Variants in MINDY2 observed in about 807,000 individuals in gnomAD.
The protein encoded by MINDY2 is ubiquitin carboxyl-terminal hydrolase MINDY-2.
MINDY2 carries 52 observed loss-of-function variants against 68.2 expected under a neutral mutation model. The observed-to-expected ratio is 0.76, with a 90% confidence interval of 0.61 to 0.96. The LOEUF (loss-of-function observed/expected upper bound fraction) is 0.96, where lower values mean the gene tolerates loss of function less well. Ranked by LOEUF, MINDY2 falls within the 40% of genes least tolerant of loss-of-function variation. MINDY2 has a pLI of 0.00. For synonymous variants in MINDY2, 372 were observed against 303.0 expected (o/e 1.23, Z -2.36); for missense variants, 881 against 773.4 (o/e 1.14, Z -1.65).
Position 58,819,895 on chromosome 15 carries a change from C to T in MINDY2, c.1123-1822C>T, listed in dbSNP as rs114867956. ...TAGAATCTTATCCCAAGGATCCTCT[C>T]GCAAAGAAAAGGATTTGGCACTGCA... On this transcript the variant is annotated intron_variant, in intron 4 of 8. Coordinates refer to ENST00000559228, the MANE Select transcript of MINDY2 (RefSeq NM_001040450.3). 5.7e-3 allele frequency among the ~76,000 whole-genome samples: 874 copies of T among 152,210 alleles called. 9 individuals carry two copies. The highest frequency in any genetic ancestry group is 0.02 in the African/African-American group (830 of 41,536).
chr15:58,771,446 C>G lies in MINDY2; in HGVS notation c.51C>G (p.Ala17=). 1 of 1,612,276 alleles carries G rather than the reference C, an allele frequency of 6.2e-7. No individual in the cohort carries two copies. The highest frequency in any genetic ancestry group is 1.7e-5 in the Admixed American group (1 of 60,002). Residue 17 remains alanine, a synonymous_variant, in exon 1 of 9, where the codon GCC becomes GCG. Transcript: ENST00000559228. Reference sequence around the variant, plus strand: ...AGCCGCTAGAACACGGGGTGGCGGCCGGGCCAGCGTCAGGGACAGGTTCTT... The same window carrying G: ...AGCCGCTAGAACACGGGGTGGCGGCGGGGCCAGCGTCAGGGACAGGTTCTT... The part of the protein sequence containing the change: ...SLQPLEHGVA[A]GPASGTGSSQ...
chr15:58,791,620 A>ATGTGTGTG lies in MINDY2; in HGVS notation c.898+3658_898+3659insGTGTGTGT, dbSNP rs1491325995. 5.5e-3 allele frequency among the ~76,000 whole-genome samples: 447 copies of ATGTGTGTG among 80,822 alleles called. 5 individuals carry two copies. The highest frequency in any genetic ancestry group is 7.2e-3 in the South Asian group (21 of 2,922). 53.0% of individuals were successfully genotyped at this position (80,822 alleles called of 152,430 possible). A position where few individuals can be genotyped will look rare whatever the true frequency, so the allele number is the denominator to read the frequency against. Reference sequence around the variant, plus strand: ...CAACAGGGCAAGACCCTGTCTCAAAATATGTGTGTGTGTGTGTGTGTGTGT... The same window carrying ATGTGTGTG: ...CAACAGGGCAAGACCCTGTCTCAAAATGTGTGTGTATGTGTGTGTGTGTGTGTGTGTGT... On this transcript the variant is annotated intron_variant, in intron 2 of 8. Coordinates refer to ENST00000559228, the MANE Select transcript of MINDY2 (RefSeq NM_001040450.3).
intron 6 of MINDY2, among the ~76,000 whole-genome samples, chr15:58,845,812 C>A (rs2032501092): frequency 6.6e-6 from 1 of 152,098 alleles, no homozygotes; most frequent in African/African-American, 2.4e-5. Context: ...CATTGACAGA[C>A]AAGTGGATAA....
chr15:58,814,292 G>C (rs1164450092), intron 4 of MINDY2, among the ~76,000 whole-genome samples: 1 of 152,012 alleles, frequency 6.6e-6, no homozygotes, highest in African/African-American at 2.4e-5. Flanking sequence ...TGATGTGCTT[G>C]TTTGCCATTT....
chr15:58,839,182 G>T (rs2141037727), intron 6 of MINDY2, among the ~76,000 whole-genome samples: 1 of 152,074 alleles, frequency 6.6e-6, no homozygotes, highest in East Asian at 1.9e-4. Context: ...AGATGTTTGA[G>T]CTGTGGGCTT....
At chr15:58,790,892 C>T (rs1901839418) in intron 2 of MINDY2, among the ~76,000 whole-genome samples, 1 of 151,850 alleles carries the variant, frequency 6.6e-6, no homozygotes, top group South Asian at 2.1e-4. Flanking sequence ...CAAAATGGAG[C>T]GATCAGGCTG....
chr15:58,820,429 G>A (rs1308727250), intron 4 of MINDY2, among the ~76,000 whole-genome samples: 2 of 148,968 alleles, frequency 1.3e-5, no homozygotes, highest in African/African-American at 2.5e-5. Context: ...GGGCAACAGA[G>A]TGAGACTCCA....
At chr15:58,783,780 C>CA (rs1327164064) in intron 1 of MINDY2, among the ~76,000 whole-genome samples, 2 of 151,886 alleles carry the variant, frequency 1.3e-5, no homozygotes, top group African/African-American at 4.8e-5. Flanking sequence ...CCCATCTGTA[C>CA]AAAAAATACA....
intron 4 of MINDY2, 70 bp from the exon 5 acceptor site, chr15:58,821,647 A>G: frequency 1.2e-6 from 1 of 850,936 alleles, no homozygotes. Context: ...AATTCTAAAG[A>G]GTGATATGGC....
chr15:58,826,669 C>G (rs2031417346), intron 5 of MINDY2, among the ~76,000 whole-genome samples: 1 of 152,164 alleles, frequency 6.6e-6, no homozygotes, highest in Admixed American at 6.6e-5. Context: ...GCAATTATTT[C>G]AAGCAATTTA....
intron 6 of MINDY2, among the ~76,000 whole-genome samples, chr15:58,839,278 T>C (rs1186017681): frequency 1.3e-5 from 2 of 152,054 alleles, no homozygotes; most frequent in Non-Finnish European, 1.5e-5. Context: ...TCTCTAGATA[T>C]TGTATAGAAG....
rs977147543 is a variant in MINDY2, at chr15:58,855,658, C to G, written c.*1048C>G. 1.3e-5 allele frequency: 2 copies of G among 152,504 alleles called. No homozygotes were observed. Among genetic ancestry groups the G allele is most frequent in the Non-Finnish European group, 2.9e-5 (2 of 68,054 alleles). The allele number at this position is 152,504 out of a possible 1,614,324, so 9.4% of individuals were successfully genotyped here. On this transcript the variant is annotated 3_prime_UTR_variant, in exon 9 of 9. Transcript: ENST00000559228. The stretch of plus-strand genomic sequence containing the variant: ...TGAAAGGGCCGGGCGCAGTGGCTCA[C>G]GCCTGTAATCCCAACATTTTGGGAG...
At chr15:58,781,277 C>T (rs1901125344) in intron 1 of MINDY2, among the ~76,000 whole-genome samples, 2 of 152,078 alleles carry the variant, frequency 1.3e-5, no homozygotes, top group African/African-American at 2.4e-5. Flanking sequence ...GTCTTGAACT[C>T]CTGACCTCAG....
intron 2 of MINDY2, among the ~76,000 whole-genome samples, chr15:58,790,945 C>T (rs1016711671): frequency 4.0e-5 from 6 of 151,512 alleles, no homozygotes; most frequent in South Asian, 2.1e-4. Context: ...TTTGGGAGGC[C>T]GAGGCAGGCA....
intron 2 of MINDY2, among the ~76,000 whole-genome samples, chr15:58,801,380 T>TAAAAAA (rs1188514448): frequency 1.3e-4 from 3 of 22,620 alleles, no homozygotes; most frequent in Non-Finnish European, 1.7e-4. Context: ...CCCCATCTCT[T>TAAAAAA]AAAAAAAAAA....
At chr15:58,796,192 G>C (rs1448925765) in intron 2 of MINDY2, 5 of 453,866 alleles carry the variant, frequency 1.1e-5, no homozygotes, top group African/African-American at 8.0e-5. Flanking sequence ...AGGCTTAATG[G>C]AGAACATGTG....
At chr15:58,812,164 G>A (rs938405340) in intron 4 of MINDY2, among the ~76,000 whole-genome samples, 5 of 152,258 alleles carry the variant, frequency 3.3e-5, no homozygotes, top group African/African-American at 7.2e-5. Context: ...CAGTCTGGGC[G>A]CAGTGGCTCA....
In MINDY2 at chr15:58,861,042, G is replaced by A. The variant is rs1376952651; in HGVS notation, c.*6432G>A. On this transcript the variant is annotated 3_prime_UTR_variant, in exon 9 of 9. Coordinates refer to ENST00000559228, the MANE Select transcript of MINDY2 (RefSeq NM_001040450.3). ...GAATGCTACAAAACAGTCAGCAAAA[G>A]GAATCATGTTTGCTTGTGAAACTTC... 1.3e-5 allele frequency: 2 copies of A among 151,062 alleles called. No individual in the cohort carries two copies. The highest frequency in any genetic ancestry group is 3.0e-5 in the Non-Finnish European group (2 of 67,764). The allele number at this position is 151,062 out of a possible 1,614,324, so 9.4% of individuals were successfully genotyped here. A position where few individuals can be genotyped will look rare whatever the true frequency, so the allele number is the denominator to read the frequency against.
chr15:58,844,559 C>CA (rs34592774), intron 6 of MINDY2, among the ~76,000 whole-genome samples: 936 of 66,860 alleles, frequency 0.014, 24 homozygotes, highest in African/African-American at 0.037. Context: ...GACTCCGTCT[C>CA]AAAAAAAAAA....
Sources: allele counts gnomAD v4.1 joint callset (sites outside exome capture counted in the v4.1 genomes callset), GRCh38; gene constraint gnomAD v4.1.1; transcripts MANE v1.5; gene names NCBI Gene and HGNC (gene_info 2026-07-23, HGNC 2026-07-21).